The following TMPRSS4 variants were observed in gnomAD, a reference collection of about 807,000 sequenced individuals.
TMPRSS4 encodes the protein transmembrane serine protease 4.
TMPRSS4 carries 45 observed loss-of-function variants against 56.4 expected under a neutral mutation model. The observed-to-expected ratio is 0.80, with a 90% CI of 0.63 to 1.02. The LOEUF (loss-of-function observed/expected upper bound fraction) is 1.02. Ranked by LOEUF, TMPRSS4 falls within the 50% of genes least tolerant of loss-of-function variation. The pLI, the probability that TMPRSS4 is intolerant of heterozygous loss-of-function variation, is 0.00. For missense variants in TMPRSS4, 546 were observed against 556.7 expected, an observed-to-expected ratio of 0.98 and a Z score of 0.19; for synonymous variants, 205 against 211.0, an observed-to-expected ratio of 0.97 and a Z score of 0.25.
chr11:118,118,484 A>G lies in TMPRSS4; in HGVS notation c.*571A>G. The G allele has an allele frequency of 1.0e-6, 1 of 986,040 alleles. No individual in the cohort carries two copies. Among genetic ancestry groups the G allele is most frequent in the Non-Finnish European group, 1.2e-6 (1 of 830,366 alleles). The allele number at this position is 986,040 out of a possible 1,614,324, so 61.1% of individuals were successfully genotyped here. ...AGGCTAGCTGGAATGCTTGATAAGAACTGAGCTGGGATGATTGAACTTTCA... is the reference window on the plus strand; with the variant it reads ...AGGCTAGCTGGAATGCTTGATAAGAGCTGAGCTGGGATGATTGAACTTTCA... On this transcript the variant is annotated 3_prime_UTR_variant, in exon 13 of 13. Coordinates refer to ENST00000437212, the MANE Select transcript of TMPRSS4 (RefSeq NM_019894.4).
intron 1 of TMPRSS4, among the ~76,000 whole-genome samples, chr11:118,093,622 G>C (rs989635390): frequency 6.6e-6 from 1 of 152,174 alleles, no homozygotes; most frequent in Non-Finnish European, 1.5e-5. Context: ...CACATGCGTC[G>C]ACGGCAGCCT....
At chr11:118,093,375 C>T (rs1398555425) in intron 1 of TMPRSS4, among the ~76,000 whole-genome samples, 1 of 152,220 alleles carries the variant, frequency 6.6e-6, no homozygotes, top group Non-Finnish European at 1.5e-5. Flanking sequence ...CAAGGTGGGT[C>T]ATGACCTCAG....
chr11:118,100,798 AC>A (rs1189577707), intron 3 of TMPRSS4, among the ~76,000 whole-genome samples: 21 of 152,344 alleles, frequency 1.4e-4, no homozygotes, highest in Admixed American at 8.5e-4. Flanking sequence ...CCAAGCAGGC[AC>A]TAAAGCATAA....
intron 12 of TMPRSS4, 121 bp from the exon 13 acceptor site, chr11:118,117,781 C>G (rs893378149): frequency 1.3e-6 from 2 of 1,591,498 alleles, no homozygotes; most frequent in Admixed American, 3.4e-5. Flanking sequence ...CCTCCTGGCC[C>G]TCTGCAGGGT....
Position 118,077,321 on chromosome 11 carries a change from T to C in TMPRSS4, c.3+16T>C, listed in dbSNP as rs769394872. 4 of 1,596,198 alleles carry C rather than the reference T, an allele frequency of 2.5e-6. No individual in the cohort carries two copies. The East Asian group carries it at 6.8e-5, about 27-fold the overall frequency. On this transcript the variant is annotated intron_variant, in intron 1 of 12. Transcript: ENST00000437212. ...AGCCAGCATGGTGAGTGTGGGGCCC[T>C]CTGCTCCCAAGACACAGGAAGGGTG...
At chr11:118,114,513 T>C (rs1209468224) in intron 9 of TMPRSS4, among the ~76,000 whole-genome samples, 1 of 152,194 alleles carries the variant, frequency 6.6e-6, no homozygotes, top group Admixed American at 6.5e-5. Context: ...TTGGATAGTG[T>C]GGACAATTCT....
At chr11:118,097,599 T>C (rs1271280008) in intron 2 of TMPRSS4, among the ~76,000 whole-genome samples, 1 of 152,198 alleles carries the variant, frequency 6.6e-6, no homozygotes, top group Non-Finnish European at 1.5e-5. Flanking sequence ...CTTACTGATA[T>C]TAACTTTGCC....
intron 1 of TMPRSS4, among the ~76,000 whole-genome samples, chr11:118,092,422 A>G (rs571795365): frequency 6.6e-6 from 1 of 152,354 alleles, no homozygotes; most frequent in African/African-American, 2.4e-5. Flanking sequence ...ATGAAATCAT[A>G]TAGAGTTGGA....
In TMPRSS4 at chr11:118,121,761, T is replaced by A. The variant is rs990906089; in HGVS notation, c.*3848T>A. On this transcript the variant is annotated 3_prime_UTR_variant, in exon 13 of 13. Transcript: ENST00000437212. The stretch of plus-strand genomic sequence containing the variant: ...ATACATCAGTAAAGAAAAAAGACCC[T>A]GTATATAAATATAATACTAGCTAGT... 3 of 152,202 alleles carry A rather than the reference T, an allele frequency of 2.0e-5. No homozygotes were observed. The highest frequency in any genetic ancestry group is 7.2e-5 in the African/African-American group (3 of 41,432). 9.4% of individuals were successfully genotyped at this position (152,202 alleles called of 1,614,324 possible). A position where few individuals can be genotyped will look rare whatever the true frequency, so the allele number is the denominator to read the frequency against.
intron 3 of TMPRSS4, among the ~76,000 whole-genome samples, chr11:118,102,376 G>A (rs1156903921): frequency 6.6e-6 from 1 of 152,210 alleles, no homozygotes; most frequent in Non-Finnish European, 1.5e-5. Flanking sequence ...TACAGATGAG[G>A]AAACTGAGAA....
intron 10 of TMPRSS4, 61 bp from the exon 11 acceptor site, chr11:118,115,077 G>A (rs1947469434): frequency 6.3e-7 from 1 of 1,577,262 alleles, no homozygotes. Context: ...AAGTGGTTTG[G>A]CAATCCAGGG....
Position 118,115,205 on chromosome 11 carries a change from C to T in TMPRSS4, c.1077C>T (p.Asp359=), listed in dbSNP as rs777354766. Residue 359 remains aspartate, a synonymous_variant, in exon 11 of 13, where the codon GAC becomes GAT. Coordinates refer to ENST00000437212, the MANE Select transcript of TMPRSS4 (RefSeq NM_019894.4). ...QVIDSTRCNA[D]DAYQGEVTEK... ...TTGACAGCACACGGTGCAATGCAGA[C>T]GATGCGTACCAGGGGGAAGTCACCG... is the stretch of plus-strand genomic sequence containing the variant. 32 of 1,612,778 alleles carry T rather than the reference C, an allele frequency of 2.0e-5. No homozygotes were observed. The highest frequency in any genetic ancestry group is 4.4e-5 in the South Asian group (4 of 90,286).
At chr11:118,115,880 T>A (rs1947525573) in intron 11 of TMPRSS4, among the ~76,000 whole-genome samples, 1 of 152,020 alleles carries the variant, frequency 6.6e-6, no homozygotes, top group Non-Finnish European at 1.5e-5. Flanking sequence ...CCCTTCTCAC[T>A]AGCTACAGAA....
At chr11:118,109,082 C>G (rs1947146035) in intron 7 of TMPRSS4, among the ~76,000 whole-genome samples, 186 bp downstream of exon 7, 1 of 152,174 alleles carries the variant, frequency 6.6e-6, no homozygotes, top group South Asian at 2.1e-4. Flanking sequence ...CATTCTTTTT[C>G]TGGGTCTTTC....
At chr11:118,096,546 G>A (rs1044265961) in intron 2 of TMPRSS4, among the ~76,000 whole-genome samples, 1 of 152,172 alleles carries the variant, frequency 6.6e-6, no homozygotes, top group African/African-American at 2.4e-5. Context: ...AACTTTGGGA[G>A]GCCAAGGTGG....
chr11:118,095,068 A>G (rs2276126), intron 2 of TMPRSS4: 182,683 of 590,118 alleles, frequency 0.31, 29,608 homozygotes, highest in Non-Finnish European at 0.34. Flanking sequence ...AACAGGACCA[A>G]CAAACCTAAA....
At chr11:118,124,458 G>T (rs1012196014), downstream of TMPRSS4, among the ~76,000 whole-genome samples, 3 of 152,136 alleles carry the variant, frequency 2.0e-5, no homozygotes, top group African/African-American at 7.2e-5. Context: ...TGTTAAAGCA[G>T]ATATGGTAAA....
intron 8 of TMPRSS4, 47 bp downstream of exon 8, chr11:118,111,947 G>A: frequency 3.2e-6 from 5 of 1,579,654 alleles, no homozygotes; most frequent in Non-Finnish European, 4.3e-6. Flanking sequence ...AGGCCAGTCA[G>A]GGACCAGAGA....
chr11:118,087,644 C>G (rs1302021854), intron 1 of TMPRSS4: 4 of 152,194 alleles, frequency 2.6e-5, no homozygotes, highest in Admixed American at 2.6e-4. Flanking sequence ...AGCTTCACTC[C>G]ATTTAAAAAC....
Sources: allele counts gnomAD v4.1 joint callset (sites outside exome capture counted in the v4.1 genomes callset), GRCh38; gene constraint gnomAD v4.1.1; transcripts MANE v1.5; gene names NCBI Gene and HGNC (gene_info 2026-07-23, HGNC 2026-07-21).